The following TRNT1 variants were observed in gnomAD, a reference collection of about 807,000 sequenced individuals.
The protein encoded by TRNT1 is tRNA nucleotidyl transferase 1.
TRNT1 carries 44 observed loss-of-function variants against 45.6 expected under a neutral mutation model. The ratio of observed to expected loss-of-function variants is 0.97; its 90% CI spans 0.76 to 1.24. The LOEUF (loss-of-function observed/expected upper bound fraction) is 1.24, where lower values mean the gene tolerates loss of function less well. Among genes scored for constraint, TRNT1 ranks in the 50% most tolerant of loss-of-function variants. TRNT1 has a pLI of 0.00. For missense variants in TRNT1, 633 were observed against 504.4 expected, an observed-to-expected ratio of 1.25 and a Z score of -2.44; for synonymous variants, 201 against 171.4, an observed-to-expected ratio of 1.17 and a Z score of -1.35.
At chr3:3,147,204 CA>C (rs1360489019) in intron 6 of TRNT1, among the ~76,000 whole-genome samples, 1 of 152,104 alleles carries the variant, frequency 6.6e-6, no homozygotes, top group African/African-American at 2.4e-5. Flanking sequence ...CCACTGTCAC[CA>C]CTACCCCTGG....
chr3:3,142,884 G>A (rs1705745097), intron 4 of TRNT1, among the ~76,000 whole-genome samples: 1 of 151,938 alleles, frequency 6.6e-6, no homozygotes, highest in Non-Finnish European at 1.5e-5. Flanking sequence ...ATGTCTTTTT[G>A]AATCTGGAGC....
chr3:3,149,772 C>G (rs1217435899), downstream of TRNT1: 3 of 152,112 alleles, frequency 2.0e-5, no homozygotes, highest in East Asian at 5.8e-4. Flanking sequence ...CAACTGATTT[C>G]ACTCCACCTT....
Position 3,137,353 on chromosome 3 carries a change from C to T in TRNT1, c.242C>T (p.Ala81Val). ...NGVKPQDIDF[A>V]TTATPTQMKE... ...GTAAAGCCTCAGGATATAGATTTTG[C>T]CACCACTGCTACCCCTACTCAAATG... The change falls in exon 3 of 8, where the codon GCC becomes GTC. Residue 81 changes from alanine (A) to valine (V), a missense_variant. By Grantham distance (64) the Ala-to-Val change is moderately conservative (BLOSUM62 0). Transcript: ENST00000251607. 1 of 1,613,802 alleles carries T rather than the reference C, an allele frequency of 6.2e-7. No homozygotes were observed. The highest frequency in any genetic ancestry group is 1.1e-5 in the South Asian group (1 of 91,054).
At chr3:3,151,023 A>C, downstream of TRNT1, 2 of 1,613,810 alleles carry the variant, frequency 1.2e-6, no homozygotes, top group Admixed American at 1.7e-5. Context: ...CAGATCTTAC[A>C]CTGGGCAACA....
At chr3:3,135,872 G>C (rs530711463) in intron 2 of TRNT1, among the ~76,000 whole-genome samples, 10 of 152,338 alleles carry the variant, frequency 6.6e-5, no homozygotes, top group African/African-American at 2.4e-4. Flanking sequence ...GGAGTAGCAT[G>C]CTGACACTGG....
chr3:3,137,631 C>T (rs573478236), intron 3 of TRNT1, among the ~76,000 whole-genome samples, 178 bp downstream of exon 3: 2 of 152,278 alleles, frequency 1.3e-5, no homozygotes, highest in African/African-American at 4.8e-5. Flanking sequence ...TATGTTACCT[C>T]TCCATTTCTA....
chr3:3,146,711 G>A (rs1317305695), intron 6 of TRNT1, 88 bp downstream of exon 6: 7 of 1,237,140 alleles, frequency 5.7e-6, no homozygotes, highest in Non-Finnish European at 7.8e-6. Flanking sequence ...GACTCATTTG[G>A]TTGAAGAATT....
Position 3,148,572 on chromosome 3 carries a change from T to TTATC in TRNT1, c.*420_*423dup, listed in dbSNP as rs1553556336. The TTATC allele has an allele frequency of 6.6e-6, 1 of 151,714 alleles. No homozygotes were observed. The highest frequency in any genetic ancestry group is 1.5e-5 in the Non-Finnish European group (1 of 67,516). The allele number at this position is 151,714 out of a possible 1,614,324, so 9.4% of individuals were successfully genotyped here. A position where few individuals can be genotyped will look rare whatever the true frequency, so the allele number is the denominator to read the frequency against. On this transcript the variant is annotated 3_prime_UTR_variant, in exon 8 of 8. Transcript: ENST00000251607. ...ATGACTGTCTATGATGTGTCAGTTC[T>TTATC]TATCTGAATTCCAAAATAAACCTGT...
At chr3:3,147,147 A>G (rs1257475844) in intron 6 of TRNT1, among the ~76,000 whole-genome samples, 1 of 152,102 alleles carries the variant, frequency 6.6e-6, no homozygotes, top group Non-Finnish European at 1.5e-5. Context: ...TATCAGTGTA[A>G]AGTCAGGAAT....
At chr3:3,147,757 A>ATTAAT (rs1706146013) in intron 7 of TRNT1, 54 bp downstream of exon 7, 1 of 1,538,282 alleles carries the variant, frequency 6.5e-7, no homozygotes, top group African/African-American at 1.4e-5. Flanking sequence ...CGAATTTAGA[A>ATTAAT]TTAATTTATT....
chr3:3,146,510 T>C lies in TRNT1; in HGVS notation c.689T>C (p.Leu230Ser). 6.2e-7 allele frequency: 1 copy of C among 1,614,068 alleles called. No individual in the cohort carries two copies. The highest frequency in any genetic ancestry group is 8.5e-7 in the Non-Finnish European group (1 of 1,179,978). Residue 230 changes from leucine to serine, a missense_variant, in exon 6 of 8, where the codon TTG becomes TCG. Coordinates refer to ENST00000251607, the MANE Select transcript of TRNT1 (RefSeq NM_182916.3). ...LEAIAENAKG[L>S]AGISGERIWV... Reference sequence around the variant, plus strand: ...GCAATTGCAGAAAATGCAAAAGGCTTGGCTGGAATATCAGGAGAAAGGATT... The same window carrying C: ...GCAATTGCAGAAAATGCAAAAGGCTCGGCTGGAATATCAGGAGAAAGGATT...
At position 3,147,972 on chromosome 3, in the gene TRNT1, C is replaced by T. The variant is rs1575068124; in HGVS notation, c.1123C>T (p.Leu375=). ...GAAGTACCAAGGAGAGCACTGTCTC[C>T]TAAAGGAAATGCAGCAGTGGTCCAT... The part of the protein sequence containing the change: ...LLKYQGEHCL[L]KEMQQWSIPP... Residue 375 remains leucine, a synonymous_variant, in exon 8 of 8, where the codon CTA becomes TTA. Transcript: ENST00000251607. 1.2e-6 allele frequency: 2 copies of T among 1,613,944 alleles called. No individual in the cohort carries two copies. Among genetic ancestry groups the T allele is most frequent in the Non-Finnish European group, 1.7e-6 (2 of 1,179,878 alleles).
chr3:3,133,242 A>G (rs1705124434), intron 2 of TRNT1, among the ~76,000 whole-genome samples: 2 of 152,152 alleles, frequency 1.3e-5, no homozygotes, highest in Admixed American at 6.5e-5. Flanking sequence ...GTACAATCAT[A>G]TGCTAGTGGC....
chr3:3,128,936 G>A (rs547565023), intron 1 of TRNT1, 78 bp from the exon 2 acceptor site: 1 of 1,107,566 alleles, frequency 9.0e-7, no homozygotes, highest in East Asian at 2.4e-5. Flanking sequence ...TGATAAACTT[G>A]AAATGTGTCC....
At chr3:3,141,086 G>C (rs1478175162) in intron 4 of TRNT1, among the ~76,000 whole-genome samples, 1 of 152,064 alleles carries the variant, frequency 6.6e-6, no homozygotes, top group Non-Finnish European at 1.5e-5. Context: ...AAAAAGAATA[G>C]ACTCTGGAGC....
chr3:3,135,702 A>T (rs529332522), intron 2 of TRNT1, among the ~76,000 whole-genome samples: 35 of 152,314 alleles, frequency 2.3e-4, no homozygotes, highest in Admixed American at 8.5e-4. Flanking sequence ...ATGTTGAGGT[A>T]GGGATAGAGG....
chr3:3,144,675 A>G lies in TRNT1; in HGVS notation c.573A>G (p.Ile191Met), dbSNP rs764552742. 5.1e-6 allele frequency: 8 copies of G among 1,559,768 alleles called. No homozygotes were observed. In the East Asian group the frequency reaches 1.8e-4, roughly 35 times the overall value. The stretch of plus-strand genomic sequence containing the variant: ...TTGTTGGACATGCTAAACAGAGAAT[A>G]CAAGAGGATTATCTTAGAATTTTAA... ...VRFVGHAKQR[I>M]QEDYLRILRY... Residue 191 changes from isoleucine (I) to methionine (M), a missense_variant, in exon 5 of 8, where the codon ATA (isoleucine) becomes ATG (methionine). Coordinates refer to ENST00000251607, the MANE Select transcript of TRNT1 (RefSeq NM_182916.3).
Position 3,147,703 on chromosome 3 carries a change from T to TGTAA in TRNT1, c.1056+4_1056+7dup, listed in dbSNP as rs759496973. On this transcript the variant is annotated frameshift_variant and splice_region_variant. Coordinates refer to ENST00000251607, the MANE Select transcript of TRNT1 (RefSeq NM_182916.3). LOFTEE classifies it high-confidence loss of function. ...AACCCTATCAAGACTTCATTATAGA[T>TGTAA]GTAAGTATATACTAGGCTTGGTCAG... The TGTAA allele has an allele frequency of 2.7e-5, 43 of 1,607,992 alleles. No homozygotes were observed. Among genetic ancestry groups the TGTAA allele is most frequent in the South Asian group, 2.2e-5 (2 of 90,144 alleles).
downstream of TRNT1, chr3:3,152,843 C>A (rs1036987207): frequency 2.0e-6 from 1 of 511,016 alleles, no homozygotes; most frequent in Non-Finnish European, 3.5e-6. Context: ...TTAAAACCCT[C>A]CTCAAGACAG....
Sources: allele counts gnomAD v4.1 joint callset (sites outside exome capture counted in the v4.1 genomes callset), GRCh38; gene constraint gnomAD v4.1.1; transcripts MANE v1.5; gene names NCBI Gene and HGNC (gene_info 2026-07-23, HGNC 2026-07-21).